Variants in CALCRL observed in about 807,000 individuals in gnomAD.
CALCRL encodes calcitonin receptor like receptor, also known as calcitonin gene-related peptide type 1 receptor.
A neutral mutation model predicts 60.4 loss-of-function variants in CALCRL; 27 were observed. That is an observed-to-expected ratio of 0.45 (90% CI 0.33 to 0.62). CALCRL has a LOEUF of 0.62. CALCRL is among the 20% of genes least tolerant of loss of function. The pLI, the probability that CALCRL is intolerant of heterozygous loss-of-function variation, is 0.03. For synonymous variants in CALCRL, 190 were observed against 182.6 expected (o/e 1.04, Z -0.33); for missense variants, 424 against 540.7 (o/e 0.78, Z 2.14).
At position 187,379,042 on chromosome 2, in the gene CALCRL, T is replaced by C. The variant is rs765468847; in HGVS notation, c.409-11A>G. 10 of 1,554,404 alleles carry C rather than the reference T, an allele frequency of 6.4e-6. No homozygotes were observed. Among genetic ancestry groups the C allele is most frequent in the South Asian group, 2.3e-5 (2 of 87,802 alleles). On this transcript the variant is annotated splice_polypyrimidine_tract_variant and intron_variant, in intron 7 of 14. Coordinates refer to ENST00000392370, the MANE Select transcript of CALCRL (RefSeq NM_005795.6). ...CAAATTTAGTGCAGTCTGTAATTTG[T>C]ATAAACAAAAAAATTTGGTTCATAT... is the stretch of plus-strand genomic sequence containing the variant.
At chr2:187,419,478 A>G (rs1476982403) in intron 1 of CALCRL, among the ~76,000 whole-genome samples, 1 of 152,156 alleles carries the variant, frequency 6.6e-6, no homozygotes, top group Admixed American at 6.5e-5. Context: ...ACTGTTACAA[A>G]ATAAATTTCA....
In CALCRL at chr2:187,344,743, A is replaced by C. The variant is rs529144937; in HGVS notation, c.*1441T>G. 6.6e-6 allele frequency: 1 copy of C among 151,860 alleles called. No homozygotes were observed. Among genetic ancestry groups the C allele is most frequent in the East Asian group, 1.9e-4 (1 of 5,186 alleles). The allele number at this position is 151,860 out of a possible 1,614,324, so 9.4% of individuals were successfully genotyped here. ...TATATGGTATATATAGTATCCTTCTAGTTTTTTATATTTCTTGAATAGCCT... is the reference window on the plus strand; with the variant it reads ...TATATGGTATATATAGTATCCTTCTCGTTTTTTATATTTCTTGAATAGCCT... On this transcript the variant is annotated 3_prime_UTR_variant, in exon 15 of 15. Coordinates refer to ENST00000392370, the MANE Select transcript of CALCRL (RefSeq NM_005795.6).
chr2:187,377,850 T>C (rs1687824018), intron 8 of CALCRL, among the ~76,000 whole-genome samples: 1 of 152,020 alleles, frequency 6.6e-6, no homozygotes, highest in Non-Finnish European at 1.5e-5. Context: ...TAAAAATAGT[T>C]AAAATATTTT....
At chr2:187,354,897 C>A (rs984904598) in intron 12 of CALCRL, among the ~76,000 whole-genome samples, 5 of 152,024 alleles carry the variant, frequency 3.3e-5, no homozygotes, top group African/African-American at 1.2e-4. Context: ...TCATGTACCC[C>A]TCTGTGCAGC....
chr2:187,393,917 C>G (rs1688555628), intron 1 of CALCRL, among the ~76,000 whole-genome samples: 1 of 151,964 alleles, frequency 6.6e-6, no homozygotes, highest in Non-Finnish European at 1.5e-5. Flanking sequence ...ATGTGGTAGG[C>G]AGAATGATAG....
chr2:187,424,953 A>AT (rs1690055558), intron 1 of CALCRL, among the ~76,000 whole-genome samples: 1 of 151,954 alleles, frequency 6.6e-6, no homozygotes, highest in Non-Finnish European at 1.5e-5. Flanking sequence ...TTATAATGTC[A>AT]TTTTTTAAAA....
chr2:187,356,171 A>G (rs1263720054), intron 12 of CALCRL, among the ~76,000 whole-genome samples: 1 of 152,132 alleles, frequency 6.6e-6, no homozygotes, highest in Non-Finnish European at 1.5e-5. Context: ...TATGGAACCA[A>G]AAAAAGAGCC....
At chr2:187,380,851 T>G in intron 5 of CALCRL, 64 bp from the exon 6 acceptor site, 1 of 1,298,164 alleles carries the variant, frequency 7.7e-7, no homozygotes, top group Non-Finnish European at 1.1e-6. Flanking sequence ...AGACATAGTT[T>G]TAAAAGTGGT....
chr2:187,356,487 C>T (rs1464789204), intron 12 of CALCRL, among the ~76,000 whole-genome samples: 1 of 152,092 alleles, frequency 6.6e-6, no homozygotes, highest in Non-Finnish European at 1.5e-5. Context: ...TTTCTTTATA[C>T]CTTATACAAA....
intron 9 of CALCRL, among the ~76,000 whole-genome samples, chr2:187,361,750 A>G (rs1349393792): frequency 6.6e-6 from 1 of 151,986 alleles, no homozygotes; most frequent in East Asian, 1.9e-4. Flanking sequence ...ACTTAGTACC[A>G]GAGAAGTTAA....
intron 1 of CALCRL, among the ~76,000 whole-genome samples, chr2:187,423,644 C>G (rs1452495974): frequency 6.6e-6 from 1 of 151,856 alleles, no homozygotes; most frequent in Non-Finnish European, 1.5e-5. Flanking sequence ...GACAGGGAAA[C>G]CTATGTATCC....
rs1250850206 is a variant in CALCRL at position 187,344,202 on chromosome 2, C to T, written c.*1982G>A. The stretch of plus-strand genomic sequence containing the variant: ...TTGAAGGTCTAGAACAGCCTGCGTT[C>T]CTTTCTATGGCAGCTTGCTATGAAA... On this transcript the variant is annotated 3_prime_UTR_variant, in exon 15 of 15. Transcript: ENST00000392370. 6.6e-6 allele frequency: 1 copy of T among 151,528 alleles called. No homozygotes were observed. The highest frequency in any genetic ancestry group is 2.4e-5 in the African/African-American group (1 of 41,360). The allele number at this position is 151,528 out of a possible 1,614,324, so 9.4% of individuals were successfully genotyped here. A position where few individuals can be genotyped will look rare whatever the true frequency, so the allele number is the denominator to read the frequency against.
intron 8 of CALCRL, among the ~76,000 whole-genome samples, chr2:187,368,576 A>C (rs913583489): frequency 6.6e-6 from 1 of 152,054 alleles, no homozygotes; most frequent in African/African-American, 2.4e-5. Flanking sequence ...TTCATCTTCA[A>C]ATTTCTGCCA....
chr2:187,421,702 C>T (rs766860810), intron 1 of CALCRL, among the ~76,000 whole-genome samples: 12 of 152,178 alleles, frequency 7.9e-5, no homozygotes, highest in Non-Finnish European at 1.2e-4. Context: ...CTGGGCCCTA[C>T]GGCAGCACAA....
intron 1 of CALCRL, among the ~76,000 whole-genome samples, chr2:187,430,013 T>C (rs1387609465): frequency 1.3e-5 from 2 of 152,198 alleles, no homozygotes; most frequent in Non-Finnish European, 2.9e-5. Flanking sequence ...TGTGCTCTCT[T>C]TCCTATATAC....
In CALCRL at chr2:187,385,548, A is replaced by G. The variant is rs13391909; in HGVS notation, c.48T>C (p.Phe16=). 9.0e-6 allele frequency: 13 copies of G among 1,438,836 alleles called. No individual in the cohort carries two copies. The African/African-American group carries it at 1.1e-4, about 13-fold the overall frequency. 89.1% of individuals were successfully genotyped at this position (1,438,836 alleles called of 1,614,324 possible). A position where few individuals can be genotyped will look rare whatever the true frequency, so the allele number is the denominator to read the frequency against. The stretch of plus-strand genomic sequence containing the variant: ...TCATATATATTTTTATGCTTACCAT[A>G]AAAAAAGGCAAGAGAACCAGAAAAT... ...TLYFLVLLPF[F]MILVTAELEE... The change falls in exon 4 of 15, where the codon TTT becomes TTC. Residue 16 remains phenylalanine, a synonymous_variant. Transcript: ENST00000392370.
chr2:187,365,981 C>G (rs936631813), intron 8 of CALCRL, among the ~76,000 whole-genome samples: 1 of 152,014 alleles, frequency 6.6e-6, no homozygotes, highest in Non-Finnish European at 1.5e-5. Flanking sequence ...CGGTGGCTCA[C>G]GCCTGTAATC....
chr2:187,372,318 A>C (rs575408048), intron 8 of CALCRL, among the ~76,000 whole-genome samples: 5 of 147,882 alleles, frequency 3.4e-5, no homozygotes, highest in Admixed American at 2.7e-4. Flanking sequence ...AGTAGAGTTT[A>C]TTTTTTTTTT....
At chr2:187,423,461 A>G (rs747407176) in intron 1 of CALCRL, among the ~76,000 whole-genome samples, 2 of 151,980 alleles carry the variant, frequency 1.3e-5, no homozygotes, top group Non-Finnish European at 2.9e-5. Flanking sequence ...ATTCAAAATC[A>G]TATTTTCCTC....
Sources: gnomAD v4.1 joint callset for allele counts (sites outside exome capture counted in the v4.1 genomes callset) on GRCh38, gnomAD v4.1.1 for gene constraint, MANE v1.5 for transcripts, NCBI Gene and HGNC (gene_info 2026-07-23, HGNC 2026-07-21) for gene names.